Variants in FGFR2 observed in about 807,000 individuals in gnomAD.
FGFR2 encodes the protein BEK fibroblast growth factor receptor.
A neutral mutation model predicts 95.9 loss-of-function variants in FGFR2; 19 were observed. The observed-to-expected ratio is 0.20, with a 90% CI of 0.14 to 0.29. FGFR2 has a LOEUF of 0.29. Ranked by LOEUF, FGFR2 falls within the 10% of genes least tolerant of loss-of-function variation. The pLI, the probability that FGFR2 is intolerant of heterozygous loss-of-function variation, is 1.00. For missense variants in FGFR2, 707 were observed against 1,056.9 expected (o/e 0.67, Z 4.59); for synonymous variants, 392 against 393.3 (o/e 1.00, Z 0.04).
intron 14 of FGFR2, 71 bp downstream of exon 14, chr10:121,487,920 C>T (rs569780628): frequency 1.0e-4 from 159 of 1,597,822 alleles, no homozygotes; most frequent in South Asian, 9.5e-4. Flanking sequence ...TCAACATTGA[C>T]GGCCTTTCTT....
chr10:121,511,306 C>G (rs1369526352), intron 9 of FGFR2, among the ~76,000 whole-genome samples: 2 of 152,148 alleles, frequency 1.3e-5, no homozygotes, highest in Non-Finnish European at 2.9e-5. Flanking sequence ...CCATCCTACC[C>G]TATGGAAGCT....
intron 8 of FGFR2, among the ~76,000 whole-genome samples, chr10:121,516,928 T>A (rs1321116871): frequency 6.6e-6 from 1 of 152,210 alleles, no homozygotes; most frequent in Non-Finnish European, 1.5e-5. Context: ...CAAAGTGGGA[T>A]GAAAGCAATA....
rs1347609513 is a variant in FGFR2 at position 121,531,151 on chromosome 10, G to A, written c.748+7441C>T. On this transcript the variant is annotated intron_variant, in intron 6 of 17. Coordinates refer to ENST00000358487, the MANE Select transcript of FGFR2 (RefSeq NM_000141.5). The surrounding 1 kb of genome is among the most constrained non-coding windows in gnomAD (Gnocchi z 4.5). The stretch of plus-strand genomic sequence containing the variant: ...CCTCAATGGTGGGGCAAAGGACAAC[G>A]GGTAGCCTGCAGAGAATGTGACAAA... The A allele has an allele frequency of 6.6e-6, 1 of 152,198 alleles. No homozygotes were observed. The highest frequency in any genetic ancestry group is 1.9e-4 in the East Asian group (1 of 5,190). 9.4% of individuals were successfully genotyped at this position (152,198 alleles called of 1,614,324 possible).
At chr10:121,503,221 T>C (rs942791540) in intron 10 of FGFR2, among the ~76,000 whole-genome samples, 1 of 152,226 alleles carries the variant, frequency 6.6e-6, no homozygotes, top group Non-Finnish European at 1.5e-5. Context: ...CAGGTGGCCA[T>C]ATTTTGACTA....
intron 5 of FGFR2, among the ~76,000 whole-genome samples, chr10:121,546,339 C>G (rs905071211): frequency 3.9e-5 from 6 of 152,190 alleles, no homozygotes; most frequent in Admixed American, 2.0e-4. Flanking sequence ...TTCTGGGGCA[C>G]AGAGAGCTGA....
At chr10:121,523,045 G>T (rs1456151494) in intron 6 of FGFR2, among the ~76,000 whole-genome samples, 1 of 152,222 alleles carries the variant, frequency 6.6e-6, no homozygotes, top group Non-Finnish European at 1.5e-5. Context: ...TGTGCAAATT[G>T]ACTTTACTGC....
At chr10:121,492,301 G>T (rs1160697629) in intron 13 of FGFR2, among the ~76,000 whole-genome samples, 1 of 152,172 alleles carries the variant, frequency 6.6e-6, no homozygotes, top group Non-Finnish European at 1.5e-5. Context: ...TATAAATTGT[G>T]TAAGGCTCAA....
At position 121,569,810 on chromosome 10, in the gene FGFR2, C is replaced by T. The variant is rs565902295; in HGVS notation, c.110-4106G>A. ...AAAGCAAGGACTCCTCCCTCCACCC[C>T]TTCAGTGGTCATTTCACAAAGGGCC... On this transcript the variant is annotated intron_variant, in intron 2 of 17. Coordinates refer to ENST00000358487, the MANE Select transcript of FGFR2 (RefSeq NM_000141.5). Among the ~76,000 whole-genome samples, 4 of 152,332 alleles carry T rather than the reference C, an allele frequency of 2.6e-5. No individual in the cohort carries two copies. In the South Asian group the frequency reaches 6.2e-4, roughly 24 times the overall value.
intron 10 of FGFR2, 82 bp downstream of exon 10, chr10:121,503,708 G>A: frequency 6.6e-7 from 1 of 1,505,178 alleles, no homozygotes; most frequent in Non-Finnish European, 9.2e-7. Flanking sequence ...GTGGCTAAGG[G>A]TCATAAAAAG....
rs1844343673 is a variant in FGFR2 at position 121,479,053 on chromosome 10, CAAAT to C, written c.*800_*803del. The stretch of plus-strand genomic sequence containing the variant: ...ATCGTCTGACAGCAGCATTTAAACA[CAAAT>C]AAATCAAAACTTCATTTTCCCCAAA... On this transcript the variant is annotated 3_prime_UTR_variant, in exon 18 of 18. Transcript: ENST00000358487. The C allele has an allele frequency of 4.3e-6, 1 of 232,914 alleles. No individual in the cohort carries two copies. Among genetic ancestry groups the C allele is most frequent in the African/African-American group, 2.2e-5 (1 of 45,286 alleles). The allele number at this position is 232,914 out of a possible 1,614,324, so 14.4% of individuals were successfully genotyped here. A position where few individuals can be genotyped will look rare whatever the true frequency, so the allele number is the denominator to read the frequency against.
intron 6 of FGFR2, among the ~76,000 whole-genome samples, chr10:121,524,101 T>TACAC (rs61527395): frequency 0.011 from 992 of 89,174 alleles, 14 homozygotes; most frequent in African/African-American, 0.034. Context: ...CGGCTATGTA[T>TACAC]ACACACACAC....
At chr10:121,500,608 C>T (rs1847470889) in intron 11 of FGFR2, among the ~76,000 whole-genome samples, 1 of 152,188 alleles carries the variant, frequency 6.6e-6, no homozygotes, top group Non-Finnish European at 1.5e-5. Flanking sequence ...TAGGAGGCTA[C>T]CGCTTTCTAA....
Position 121,552,089 on chromosome 10 carries a change from A to G in FGFR2, c.455-630T>C, listed in dbSNP as rs528814498. On this transcript the variant is annotated intron_variant, in intron 4 of 17. Coordinates refer to ENST00000358487, the MANE Select transcript of FGFR2 (RefSeq NM_000141.5). The stretch of plus-strand genomic sequence containing the variant: ...TAATTAAAAAAAAAATTTCTTTCCA[A>G]TGGTGGTTATGAATGCCATAACCCT... Among the ~76,000 whole-genome samples the G allele has an allele frequency of 3.6e-4, 55 of 152,256 alleles. No individual in the cohort carries two copies. In the South Asian group the frequency reaches 0.011, roughly 31 times the overall value.
intron 11 of FGFR2, among the ~76,000 whole-genome samples, chr10:121,499,787 C>T (rs893485828): frequency 2.6e-5 from 4 of 152,234 alleles, no homozygotes; most frequent in African/African-American, 7.2e-5. Context: ...TGTTCCTCCC[C>T]GGCATCAGGC....
At chr10:121,488,226 A>G (rs903216316) in intron 13 of FGFR2, 113 bp from the exon 14 acceptor site, 2 of 1,448,136 alleles carry the variant, frequency 1.4e-6, no homozygotes. Context: ...GATGTTAAAA[A>G]CCAGTTGCGG....
rs2556537 is a variant in FGFR2 at position 121,482,280 on chromosome 10, C to T, written c.2301+1418G>A. 299,718 of 1,039,332 alleles carry T rather than the reference C, an allele frequency of 0.29. 49,707 individuals carry two copies. Among genetic ancestry groups the T allele is most frequent in the African/African-American group, 0.61 (38,026 of 62,852 alleles). 64.4% of individuals were successfully genotyped at this position (1,039,332 alleles called of 1,614,324 possible). On this transcript the variant is annotated intron_variant, in intron 17 of 17. Transcript: ENST00000358487. ...GGCAGAAGAAGAAAGTTGGTTTCTT[C>T]CCCCCCTTGAACCGTTCCTTTCCTT...
At chr10:121,585,653 A>T (rs1037658881) in intron 2 of FGFR2, among the ~76,000 whole-genome samples, 1 of 152,228 alleles carries the variant, frequency 6.6e-6, no homozygotes, top group African/African-American at 2.4e-5. Context: ...CTGTTAGTTT[A>T]TGTCTCCAGA....
rs890889866 is a variant in FGFR2, at chr10:121,491,909, T to C, written c.1864-3796A>G. ...AAAAACTGCTCAGGGCCAGGCGCAG[T>C]GGCTCATGCCTGTAATCCCAGCACT... On this transcript the variant is annotated intron_variant, in intron 13 of 17. Transcript: ENST00000358487. Among the ~76,000 whole-genome samples, 9 of 148,604 alleles carry C rather than the reference T, an allele frequency of 6.1e-5. No homozygotes were observed. In the Admixed American group the frequency reaches 6.1e-4, roughly 10 times the overall value.
chr10:121,598,326 G>T lies in FGFR2; in HGVS notation c.-515C>A. 1 of 317,494 alleles carries T rather than the reference G, an allele frequency of 3.1e-6. No homozygotes were observed. The highest frequency in any genetic ancestry group is 5.7e-6 in the Non-Finnish European group (1 of 174,012). The allele number at this position is 317,494 out of a possible 1,614,324, so 19.7% of individuals were successfully genotyped here. ...CCCGCCAGCCCGGAGAGCAGTCGCC[G>T]CGCCGGGCCAGGTACGCCGCATGCA... On this transcript the variant is annotated 5_prime_UTR_variant, in exon 1 of 18. Transcript: ENST00000358487.
Sources: gnomAD v4.1 joint callset for allele counts (sites outside exome capture counted in the v4.1 genomes callset) on GRCh38, gnomAD v4.1.1 for gene constraint, Gnocchi (gnomAD v3.1) non-coding constraint, MANE v1.5 for transcripts, NCBI Gene and HGNC (gene_info 2026-07-23, HGNC 2026-07-21) for gene names.